ARHGAP42: variants seen among roughly 807,000 people sequenced by gnomAD.
The protein encoded by ARHGAP42 is Rho GTPase activating protein 42.
In ARHGAP42, 63 loss-of-function variants were observed where a neutral mutation model predicts 125.0. That is an observed-to-expected ratio of 0.50 (90% CI 0.41 to 0.62). The LOEUF (loss-of-function observed/expected upper bound fraction) is 0.62. Among genes scored for constraint, ARHGAP42 ranks in the 20% least tolerant of loss-of-function variants. The pLI, the probability that ARHGAP42 is intolerant of heterozygous loss-of-function variation, is 0.00. For synonymous variants in ARHGAP42, 339 were observed against 351.0 expected (o/e 0.97, Z 0.38); for missense variants, 766 against 1,024.2 (o/e 0.75, Z 3.44).
chr11:100,726,762 C>T (rs1264948579), intron 1 of ARHGAP42, among the ~76,000 whole-genome samples: 1 of 152,142 alleles, frequency 6.6e-6, no homozygotes, highest in Non-Finnish European at 1.5e-5. Flanking sequence ...GAGCTGTTGC[C>T]ATCTGAGTTG....
intron 4 of ARHGAP42, among the ~76,000 whole-genome samples, chr11:100,910,362 C>A (rs1866878227): frequency 6.6e-6 from 1 of 151,968 alleles, no homozygotes; most frequent in Non-Finnish European, 1.5e-5. Flanking sequence ...TTTTTTCCAT[C>A]GAGATTATTA....
At chr11:100,883,671 A>T (rs1325543853) in intron 4 of ARHGAP42, among the ~76,000 whole-genome samples, 1 of 152,192 alleles carries the variant, frequency 6.6e-6, no homozygotes, top group Non-Finnish European at 1.5e-5. Flanking sequence ...TGATATTGTT[A>T]TATAAAATAT....
intron 1 of ARHGAP42, among the ~76,000 whole-genome samples, chr11:100,742,635 G>T (rs1374721892): frequency 6.6e-6 from 1 of 151,988 alleles, no homozygotes; most frequent in Non-Finnish European, 1.5e-5. Flanking sequence ...TCTGTATTCT[G>T]ATCTCCTTAG....
chr11:100,899,911 A>G (rs1866492575), intron 4 of ARHGAP42, among the ~76,000 whole-genome samples: 1 of 151,626 alleles, frequency 6.6e-6, no homozygotes, highest in African/African-American at 2.4e-5. Context: ...TTCACATTCA[A>G]TGTTAATATT....
In ARHGAP42 at chr11:100,976,338, G is replaced by A. The variant is rs569336; in HGVS notation, c.2137G>A (p.Val713Ile). 529,177 of 1,550,394 alleles carry A rather than the reference G, an allele frequency of 0.34. 106,278 individuals carry two copies. Among genetic ancestry groups the A allele is most frequent in the East Asian group, 1 (40,803 of 40,896 alleles). ...TGCTTCAGTCACTAGCCCAGGAGAC[G>A]TTTCCCCACCCATAGACCTAGTCAA... ...SVASVTSPGDVSPPIDLVKKE... is the reference protein window; with the variant it reads ...SVASVTSPGDISPPIDLVKKE... The change falls in exon 20 of 24, where the codon GTT (valine) becomes ATT (isoleucine). Residue 713 changes from valine to isoleucine, a missense_variant. By Grantham distance (29) the Val-to-Ile change is conservative. This residue lies in a region of ARHGAP42 where 308 missense variants were observed against 369.7 expected (regional missense o/e 0.83). Transcript: ENST00000298815.
At chr11:100,881,145 C>A (rs1288865798) in intron 4 of ARHGAP42, among the ~76,000 whole-genome samples, 1 of 152,124 alleles carries the variant, frequency 6.6e-6, no homozygotes, top group East Asian at 1.9e-4. Context: ...GGTTCTTGGT[C>A]ATGAAATCCT....
At position 100,687,543 on chromosome 11, in the gene ARHGAP42, C is replaced by G. The variant is rs966774104; in HGVS notation, c.-136C>G. The G allele has an allele frequency of 8.6e-6, 5 of 582,764 alleles. No individual in the cohort carries two copies. Among genetic ancestry groups the G allele is most frequent in the Non-Finnish European group, 9.3e-6 (4 of 429,232 alleles). The allele number at this position is 582,764 out of a possible 1,614,324, so 36.1% of individuals were successfully genotyped here. A position where few individuals can be genotyped will look rare whatever the true frequency, so the allele number is the denominator to read the frequency against. ...CGCGGCGCTCGGGGCCCGTTTCCTC[C>G]GCGCAATCAGTCCCCTCGCGTCCCG... On this transcript the variant is annotated 5_prime_UTR_variant, in exon 1 of 24. Transcript: ENST00000298815.
intron 3 of ARHGAP42, among the ~76,000 whole-genome samples, chr11:100,796,872 C>T (rs1408961772): frequency 1.3e-5 from 2 of 150,176 alleles, no homozygotes; most frequent in African/African-American, 4.9e-5. Context: ...TGGGTTCAAG[C>T]GATTCTCCTG....
At chr11:100,877,606 G>T (rs1865850534) in intron 4 of ARHGAP42, among the ~76,000 whole-genome samples, 1 of 152,124 alleles carries the variant, frequency 6.6e-6, no homozygotes, top group Admixed American at 6.5e-5. Context: ...TTGTTTCAGA[G>T]GAAAAAACAC....
At chr11:100,817,194 A>C (rs1864286851) in intron 3 of ARHGAP42, among the ~76,000 whole-genome samples, 1 of 152,204 alleles carries the variant, frequency 6.6e-6, no homozygotes, top group Non-Finnish European at 1.5e-5. Context: ...TAGGATATTT[A>C]GCGGCATCCC....
chr11:100,752,075 C>G (rs1862474069), intron 1 of ARHGAP42, among the ~76,000 whole-genome samples: 1 of 152,090 alleles, frequency 6.6e-6, no homozygotes, highest in Non-Finnish European at 1.5e-5. Context: ...CCACTGCACC[C>G]AGCCCAACAG....
intron 4 of ARHGAP42, among the ~76,000 whole-genome samples, chr11:100,886,263 A>C (rs1174589605): frequency 6.6e-6 from 1 of 152,214 alleles, no homozygotes; most frequent in Non-Finnish European, 1.5e-5. Flanking sequence ...TTTTAAAAAC[A>C]AGCATTTCAT....
intron 2 of ARHGAP42, among the ~76,000 whole-genome samples, chr11:100,780,937 G>A (rs1863296988): frequency 6.6e-6 from 1 of 152,172 alleles, no homozygotes; most frequent in Admixed American, 6.5e-5. Context: ...TCAGAGCCTA[G>A]AAAAATAAGT....
At chr11:100,876,398 A>G (rs909760127) in intron 4 of ARHGAP42, among the ~76,000 whole-genome samples, 1 of 151,224 alleles carries the variant, frequency 6.6e-6, no homozygotes, top group African/African-American at 2.4e-5. Context: ...GTATTTAAAT[A>G]TTTAAGAGAA....
chr11:100,897,856 G>A (rs1289545094), intron 4 of ARHGAP42, among the ~76,000 whole-genome samples: 1 of 152,002 alleles, frequency 6.6e-6, no homozygotes, highest in Non-Finnish European at 1.5e-5. Flanking sequence ...TGATTGCCCC[G>A]GCCAGAACTT....
chr11:100,887,593 T>A (rs1392538012), intron 4 of ARHGAP42, among the ~76,000 whole-genome samples: 4 of 152,232 alleles, frequency 2.6e-5, no homozygotes, highest in African/African-American at 9.6e-5. Context: ...CTGACCAAGA[T>A]GTGAGCTATC....
At chr11:100,966,594 C>CT (rs1565298671) in intron 17 of ARHGAP42, among the ~76,000 whole-genome samples, 1 of 152,082 alleles carries the variant, frequency 6.6e-6, no homozygotes, top group Non-Finnish European at 1.5e-5. Flanking sequence ...AAAGACTACT[C>CT]ATTTAAATGA....
intron 2 of ARHGAP42, among the ~76,000 whole-genome samples, chr11:100,786,087 T>C (rs1384227763): frequency 1.3e-5 from 2 of 152,184 alleles, no homozygotes; most frequent in African/African-American, 4.8e-5. Context: ...GTATATGTAA[T>C]GTCACTGCCT....
chr11:100,741,977 C>G (rs1257314683), intron 1 of ARHGAP42, among the ~76,000 whole-genome samples: 1 of 152,096 alleles, frequency 6.6e-6, no homozygotes, highest in Non-Finnish European at 1.5e-5. Context: ...TAAAAAAAAC[C>G]TAGAGGAAAC....
Sources: allele counts gnomAD v4.1 joint callset (sites outside exome capture counted in the v4.1 genomes callset), GRCh38; gene constraint gnomAD v4.1.1; regional missense constraint gnomAD v4.1.1; transcripts MANE v1.5; gene names NCBI Gene and HGNC (gene_info 2026-07-23, HGNC 2026-07-21).